Variants in SYMPK observed in about 807,000 individuals in gnomAD.
SYMPK encodes the protein symplekin.
In SYMPK, 49 loss-of-function variants were observed where a neutral mutation model predicts 136.4. The ratio of observed to expected loss-of-function variants is 0.36; its 90% CI spans 0.29 to 0.46. SYMPK has a LOEUF of 0.46. Among genes scored for constraint, SYMPK ranks in the 20% least tolerant of loss-of-function variants. The pLI, the probability that SYMPK is intolerant of heterozygous loss-of-function variation, is 1.00. For missense variants in SYMPK, 1,365 were observed against 1,690.0 expected (o/e 0.81, Z 3.37); for synonymous variants, 766 against 713.0 (o/e 1.07, Z -1.19).
In SYMPK at chr19:45,827,861, C is replaced by T. The variant is rs773219888; in HGVS notation, c.2043G>A (p.Val681=). ...APLITESALE[V]VRKYCEDESR... Reference sequence around the variant, plus strand: ...CCTCATCCTCGCAGTACTTGCGGACCACCTCCAGGGCACTCTCTGTGATGA... The same window carrying T: ...CCTCATCCTCGCAGTACTTGCGGACTACCTCCAGGGCACTCTCTGTGATGA... The change falls in exon 15 of 27, where the codon GTG becomes GTA. Residue 681 remains valine, a synonymous_variant. Transcript: ENST00000245934. The T allele has an allele frequency of 1.2e-6, 2 of 1,614,022 alleles. No individual in the cohort carries two copies. Among genetic ancestry groups the T allele is most frequent in the East Asian group, 2.2e-5 (1 of 44,872 alleles).
chr19:45,833,361 G>A (rs375401032), intron 11 of SYMPK, among the ~76,000 whole-genome samples: 1 of 152,130 alleles, frequency 6.6e-6, no homozygotes, highest in African/African-American at 2.4e-5. Context: ...CAGGACTTTC[G>A]GAGGCCAAGA....
rs1970904226 is a variant in SYMPK at position 45,821,768 on chromosome 19, C to T, written c.2792-283G>A. On this transcript the variant is annotated intron_variant, in intron 21 of 26. Transcript: ENST00000245934. This position sits in a 1 kb window ranked among gnomAD's most constrained non-coding sequence, Gnocchi z 4.4. ...GTCTCTCTGCCCCTGGGCTGTGCAC[C>T]CCCGAGGGCAGGGTAGGACCACCTC... 1.3e-5 allele frequency among the ~76,000 whole-genome samples: 2 copies of T among 152,180 alleles called. No homozygotes were observed. The highest frequency in any genetic ancestry group is 2.1e-4 in the South Asian group (1 of 4,826).
At chr19:45,856,987 G>A (rs1267415026) in intron 1 of SYMPK, among the ~76,000 whole-genome samples, 5 of 151,592 alleles carry the variant, frequency 3.3e-5, no homozygotes, top group South Asian at 2.1e-4. Context: ...GCATGGTGGC[G>A]CATACCTATA....
Position 45,847,905 on chromosome 19 carries a change from C to CA in SYMPK, c.522dup (p.Asp175Ter). On this transcript the variant is annotated frameshift_variant, in exon 7 of 27. Transcript: ENST00000245934. LOFTEE classifies it high-confidence loss of function. The stretch of plus-strand genomic sequence containing the variant: ...GCGTGGGTGCGGATGCCGTCATTGT[C>CA]AGAGTCCAATAGCAGGATGATGTCC... 1 of 1,613,946 alleles carries CA rather than the reference C, an allele frequency of 6.2e-7. No homozygotes were observed. Among genetic ancestry groups the CA allele is most frequent in the Non-Finnish European group, 8.5e-7 (1 of 1,179,958 alleles).
At chr19:45,862,347 G>GA (rs1458234141) in intron 1 of SYMPK, 1 of 152,120 alleles carries the variant, frequency 6.6e-6, no homozygotes, top group East Asian at 1.9e-4. Context: ...TGCTACCTAG[G>GA]AATCTGATGA....
intron 1 of SYMPK, among the ~76,000 whole-genome samples, chr19:45,860,356 G>A (rs1038806186): frequency 6.6e-5 from 10 of 152,010 alleles, no homozygotes; most frequent in Admixed American, 2.0e-4. Context: ...TACTCGGGAG[G>A]CTGAGGCAGG....
At position 45,816,868 on chromosome 19, in the gene SYMPK, G is replaced by A; in HGVS notation, c.3188C>T (p.Ala1063Val). 1 of 1,550,010 alleles carries A rather than the reference G, an allele frequency of 6.5e-7. No individual in the cohort carries two copies. Among genetic ancestry groups the A allele is most frequent in the Non-Finnish European group, 8.7e-7 (1 of 1,146,922 alleles). ...ILQLPPQQLGAVFDKCPELRE... is the reference protein window; with the variant it reads ...ILQLPPQQLGVVFDKCPELRE... ...GAGCTCTGGGCACTTGTCAAAGACG[G>A]CTCCCAGCTGCTGGGGCGGCAGCTG... The change falls in exon 24 of 27, where the codon GCC becomes GTC. Residue 1063 changes from alanine to valine, a missense_variant. Transcript: ENST00000245934.
In SYMPK at chr19:45,831,508, G is replaced by A. The variant is rs1334320383; in HGVS notation, c.1474C>T (p.Arg492Cys). Residue 492 changes from arginine to cysteine, a missense_variant, in exon 12 of 27, where the codon CGC (arginine) becomes TGC (cysteine). Around this residue, in one of 11 missense-constraint regions of SYMPK, gnomAD observed 46 missense variants for 63.9 expected, o/e 0.72. Coordinates refer to ENST00000245934, the MANE Select transcript of SYMPK (RefSeq NM_004819.3). ...ATGGCTTGGCCCTGGGCTGACAGGCGCCGCTTGATCAGGACGCTCTCTGTC... is the reference window on the plus strand; with the variant it reads ...ATGGCTTGGCCCTGGGCTGACAGGCACCGCTTGATCAGGACGCTCTCTGTC... ...VKTESVLIKRRLSAQGQAISV... is the reference protein window; with the variant it reads ...VKTESVLIKRCLSAQGQAISV... 1.2e-6 allele frequency: 2 copies of A among 1,610,730 alleles called. No homozygotes were observed. Among genetic ancestry groups the A allele is most frequent in the Admixed American group, 1.7e-5 (1 of 59,588 alleles).
intron 12 of SYMPK, 42 bp from the exon 13 acceptor site, chr19:45,830,246 G>A (rs1167321176): frequency 1.5e-5 from 23 of 1,583,570 alleles, no homozygotes; most frequent in Non-Finnish European, 1.9e-5. Flanking sequence ...GACCCAGACT[G>A]CAGCAAAGGC....
chr19:45,852,190 A>T lies in SYMPK; in HGVS notation c.299+122T>A, dbSNP rs1345938792. On this transcript the variant is annotated intron_variant, in intron 5 of 26. Coordinates refer to ENST00000245934, the MANE Select transcript of SYMPK (RefSeq NM_004819.3). ...ATTTGCTGGGGAATCAGTGTGTATG[A>T]GAGAGAGAAAGGGTCTGGGAAGCAG... The T allele has an allele frequency of 2.9e-5, 28 of 979,574 alleles. 1 individual carries two copies. Among genetic ancestry groups the T allele is most frequent in the Non-Finnish European group, 3.9e-5 (24 of 614,720 alleles). 60.7% of individuals were successfully genotyped at this position (979,574 alleles called of 1,614,324 possible).
At chr19:45,816,205 CAGA>C (rs1568604913) in intron 25 of SYMPK, 22 bp from the exon 26 acceptor site, 1 of 1,473,440 alleles carries the variant, frequency 6.8e-7, no homozygotes, top group Admixed American at 2.2e-5. Context: ...GAGGGCCACA[CAGA>C]AGCTCAGAGG....
At position 45,842,486 on chromosome 19, in the gene SYMPK, T is replaced by G. The variant is rs776562320; in HGVS notation, c.851A>C (p.Asn284Thr). ...VIQAYETLHA[N>T]LPPTLAKSQV... ...CGATTTGGCCAGCGTCGGGGGCAGGTTGGCTGTGAGGAAAGTGGCAGGAGC... is the reference window on the plus strand; with the variant it reads ...CGATTTGGCCAGCGTCGGGGGCAGGGTGGCTGTGAGGAAAGTGGCAGGAGC... Residue 284 changes from asparagine to threonine, a missense_variant, in exon 9 of 27, where the codon AAC becomes ACC. Physicochemically the swap from Asn to Thr is moderately conservative, Grantham distance 65. Coordinates refer to ENST00000245934, the MANE Select transcript of SYMPK (RefSeq NM_004819.3). 4 of 1,610,140 alleles carry G rather than the reference T, an allele frequency of 2.5e-6. No homozygotes were observed. Among genetic ancestry groups the G allele is most frequent in the Non-Finnish European group, 3.4e-6 (4 of 1,177,194 alleles).
At chr19:45,852,233 G>A in intron 5 of SYMPK, 79 bp downstream of exon 5, 2 of 1,421,108 alleles carry the variant, frequency 1.4e-6, no homozygotes, top group Non-Finnish European at 9.9e-7. Context: ...GCCTCTCAGT[G>A]GTGGCCTCCA....
At chr19:45,846,752 T>C (rs1417150644) in intron 7 of SYMPK, among the ~76,000 whole-genome samples, 5 of 152,278 alleles carry the variant, frequency 3.3e-5, no homozygotes, top group Non-Finnish European at 7.4e-5. Flanking sequence ...GGGGACATTA[T>C]TCCTTTTGAT....
At position 45,826,340 on chromosome 19, in the gene SYMPK, T is replaced by G. The variant is rs1971043179; in HGVS notation, c.2215A>C (p.Met739Leu). The change falls in exon 17 of 27, where the codon ATG becomes CTG. Residue 739 changes from methionine to leucine, a missense_variant. By Grantham distance (15) the Met-to-Leu change is conservative. Coordinates refer to ENST00000245934, the MANE Select transcript of SYMPK (RefSeq NM_004819.3). ...RSQALLFIKR[M>L]YEKEQLREYV... ...TCCCGCAGCTGCTCCTTCTCATACATGCGTTTGATGAACAGCAGGGCCTGG... is the reference window on the plus strand; with the variant it reads ...TCCCGCAGCTGCTCCTTCTCATACAGGCGTTTGATGAACAGCAGGGCCTGG... 6.2e-7 allele frequency: 1 copy of G among 1,613,988 alleles called. No homozygotes were observed. Among genetic ancestry groups the G allele is most frequent in the Non-Finnish European group, 8.5e-7 (1 of 1,180,014 alleles).
intron 5 of SYMPK, among the ~76,000 whole-genome samples, chr19:45,851,800 G>C (rs1216535012): frequency 6.6e-6 from 1 of 152,126 alleles, no homozygotes; most frequent in Non-Finnish European, 1.5e-5. Flanking sequence ...CTTGAACCCG[G>C]AAGTCGGAGG....
intron 10 of SYMPK, among the ~76,000 whole-genome samples, chr19:45,837,032 A>C (rs1048898702): frequency 1.3e-5 from 2 of 152,224 alleles, no homozygotes; most frequent in Non-Finnish European, 2.9e-5. Flanking sequence ...TGAGCCAATC[A>C]CTTAAAACCG....
In SYMPK at chr19:45,830,070, C is replaced by T. The variant is rs1971132270; in HGVS notation, c.1733G>A (p.Cys578Tyr). 2 of 1,554,470 alleles carry T rather than the reference C, an allele frequency of 1.3e-6. No homozygotes were observed. Among genetic ancestry groups the T allele is most frequent in the Admixed American group, 3.9e-5 (2 of 51,566 alleles). The change falls in exon 13 of 27, where the codon TGC becomes TAC. Residue 578 changes from cysteine (C) to tyrosine (Y), a missense_variant. Physicochemically the swap from Cys to Tyr is radical, Grantham distance 194. This residue lies in a region of SYMPK where 303 missense variants were observed against 326.6 expected (regional missense o/e 0.93). Coordinates refer to ENST00000245934, the MANE Select transcript of SYMPK (RefSeq NM_004819.3). ...GGCGCACACCTGGGCTGCCCCGCTG[C>T]AGGCCACAGCCTTCTCAGCCCGCAG... ...RILRAEKAVACSGAAQVRIKI... is the reference protein window; with the variant it reads ...RILRAEKAVAYSGAAQVRIKI...
intron 13 of SYMPK, 29 bp downstream of exon 13, chr19:45,830,025 G>A: frequency 1.3e-6 from 2 of 1,531,390 alleles, no homozygotes; most frequent in Non-Finnish European, 1.8e-6. Context: ...GGGACTGGAA[G>A]GATGGGGTGG....
Sources: gnomAD v4.1 joint callset for allele counts (sites outside exome capture counted in the v4.1 genomes callset) on GRCh38, gnomAD v4.1.1 for gene constraint, gnomAD v4.1.1 regional missense constraint, Gnocchi (gnomAD v3.1) non-coding constraint, MANE v1.5 for transcripts, NCBI Gene and HGNC (gene_info 2026-07-23, HGNC 2026-07-21) for gene names.